Variants in HTT observed in about 807,000 individuals in gnomAD.
HTT encodes the protein huntingtin.
Under a neutral mutation model 362.3 loss-of-function variants are expected in HTT, and 104 were observed. That is an observed-to-expected ratio of 0.29 (90% CI 0.24 to 0.34). HTT has a LOEUF of 0.34. Ranked by LOEUF, HTT falls within the 10% of genes least tolerant of loss-of-function variation. HTT has a pLI of 1.00. For missense variants in HTT, 3,301 were observed against 3,928.6 expected, an observed-to-expected ratio of 0.84 and a Z score of 4.27; for synonymous variants, 1,577 against 1,548.7, an observed-to-expected ratio of 1.02 and a Z score of -0.43.
chr4:3,114,575 A>C (rs1342241128), intron 6 of HTT, among the ~76,000 whole-genome samples: 1 of 152,256 alleles, frequency 6.6e-6, no homozygotes, highest in Non-Finnish European at 1.5e-5. Context: ...GTGCTTGCTC[A>C]GTGCATGCTG....
In HTT at chr4:3,206,362, A is replaced by G. The variant is rs1719853063; in HGVS notation, c.5719-134A>G. ...CCTCCTCAATTATTTGTGCTCATAC[A>G]CTGTATATTTTTAGTGAGGTTTATA... On this transcript the variant is annotated intron_variant, in intron 42 of 66. Coordinates refer to ENST00000355072, the MANE Select transcript of HTT (RefSeq NM_001388492.1). This position sits in a 1 kb window ranked among gnomAD's most constrained non-coding sequence, Gnocchi z 4.6. 1 of 684,016 alleles carries G rather than the reference A, an allele frequency of 1.5e-6. No homozygotes were observed. Among genetic ancestry groups the G allele is most frequent in the Non-Finnish European group, 2.5e-6 (1 of 401,776 alleles). 42.4% of individuals were successfully genotyped at this position (684,016 alleles called of 1,614,324 possible).
chr4:3,239,127 G>T (rs1721685276), intron 66 of HTT, 149 bp downstream of exon 66: 2 of 836,686 alleles, frequency 2.4e-6, no homozygotes, highest in African/African-American at 1.7e-5. Flanking sequence ...GTAAAATGCT[G>T]ACAGGGGTAC....
intron 41 of HTT, among the ~76,000 whole-genome samples, chr4:3,202,221 C>T (rs1398529576): frequency 6.6e-6 from 1 of 152,138 alleles, no homozygotes; most frequent in Non-Finnish European, 1.5e-5. Flanking sequence ...TTCTGAGTCA[C>T]CCTAGATTTG....
At chr4:3,210,231 G>A (rs1720087439) in intron 47 of HTT, among the ~76,000 whole-genome samples, 1 of 152,160 alleles carries the variant, frequency 6.6e-6, no homozygotes, top group South Asian at 2.1e-4. Context: ...TTGAAATCCA[G>A]CTGGCCCCAA....
Position 3,172,985 on chromosome 4 carries a change from C to A in HTT, c.4020C>A (p.Gly1340=), listed in dbSNP as rs763717287. ...GLSSNPSKSQ[G]RAQRLGSSSV... Reference sequence around the variant, plus strand: ...CTTCCAACCCCAGCAAGTCACAAGGCCGAGCACAGCGCCTTGGCTCCTCCA... The same window carrying A: ...CTTCCAACCCCAGCAAGTCACAAGGACGAGCACAGCGCCTTGGCTCCTCCA... Residue 1340 remains glycine (G), a synonymous_variant, in exon 31 of 67, where the codon GGC becomes GGA. Transcript: ENST00000355072. 1.9e-6 allele frequency: 3 copies of A among 1,614,206 alleles called. No individual in the cohort carries two copies. The highest frequency in any genetic ancestry group is 3.3e-5 in the Admixed American group (2 of 60,026).
chr4:3,128,691 G>T (rs755226768), intron 12 of HTT: 1 of 152,104 alleles, frequency 6.6e-6, no homozygotes, highest in Non-Finnish European at 1.5e-5. Flanking sequence ...AACCCTCATG[G>T]ATAGTCTAAT....
chr4:3,078,952 A>C (rs368781147), intron 1 of HTT, among the ~76,000 whole-genome samples: 8 of 151,992 alleles, frequency 5.3e-5, no homozygotes, highest in African/African-American at 1.9e-4. Flanking sequence ...AGCCAGGATG[A>C]TCTTGATCTC....
rs772655035 is a variant in HTT, at chr4:3,224,124, T to C, written c.7758T>C (p.Ala2586=). 1 of 1,614,016 alleles carries C rather than the reference T, an allele frequency of 6.2e-7. No individual in the cohort carries two copies. Among genetic ancestry groups the C allele is most frequent in the Non-Finnish European group, 8.5e-7 (1 of 1,179,892 alleles). Residue 2586 remains alanine (A), a synonymous_variant, in exon 56 of 67, where the codon GCT becomes GCC. Transcript: ENST00000355072. ...ATCCTGTCCCTTCTCTGTCTCCGGCTACTACAGGTACCTGAGGGAAAGGGT... is the reference window on the plus strand; with the variant it reads ...ATCCTGTCCCTTCTCTGTCTCCGGCCACTACAGGTACCTGAGGGAAAGGGT... ...AWDPVPSLSP[A]TTGALISHEK...
In HTT at chr4:3,157,139, T is replaced by C; in HGVS notation, c.3693T>C (p.Tyr1231=). 6.2e-7 allele frequency: 1 copy of C among 1,613,552 alleles called. No individual in the cohort carries two copies. Among genetic ancestry groups the C allele is most frequent in the South Asian group, 1.1e-5 (1 of 91,070 alleles). Residue 1231 remains tyrosine (Y), a synonymous_variant, in exon 28 of 67, where the codon TAT becomes TAC. Coordinates refer to ENST00000355072, the MANE Select transcript of HTT (RefSeq NM_001388492.1). ...TSKSSSLGSF[Y]HLPSYLKLHD... ...AATCCTCATCACTGGGGAGTTTCTA[T>C]CATCTTCCTTCATACCTCAAACTGC... is the stretch of plus-strand genomic sequence containing the variant.
chr4:3,105,085 G>A (rs752130920), intron 4 of HTT, among the ~76,000 whole-genome samples: 9 of 152,142 alleles, frequency 5.9e-5, no homozygotes, highest in Non-Finnish European at 8.8e-5. Context: ...CACAATGTTA[G>A]AAGGAAATGC....
chr4:3,186,068 A>G (rs1467912576), intron 37 of HTT, among the ~76,000 whole-genome samples: 2 of 152,228 alleles, frequency 1.3e-5, no homozygotes, highest in Admixed American at 6.5e-5. Context: ...TTTCAAAACA[A>G]CTAAAACAAA....
chr4:3,136,032 G>A, intron 20 of HTT, 65 bp downstream of exon 20: 1 of 1,210,644 alleles, frequency 8.3e-7, no homozygotes, highest in Non-Finnish European at 1.2e-6. Context: ...GGCTTTCCTT[G>A]TGGAATTTCT....
intron 21 of HTT, among the ~76,000 whole-genome samples, chr4:3,137,340 G>A (rs1379605719): frequency 1.3e-5 from 2 of 152,092 alleles, no homozygotes; most frequent in African/African-American, 4.8e-5. Context: ...GTATCCTTGT[G>A]CCCATTTGCT....
chr4:3,224,022 G>T lies in HTT; in HGVS notation c.7656G>T (p.Gly2552=). The change falls in exon 56 of 67, where the codon GGG becomes GGT. Residue 2552 remains glycine (G), a synonymous_variant. Transcript: ENST00000355072. The part of the protein sequence containing the change: ...RFGRKLSIIR[G]IVEQEIQAMV... ...GGAGGAAGCTGAGCATTATCAGAGG[G>T]ATTGTGGAGCAAGAGATTCAAGCAA... is the stretch of plus-strand genomic sequence containing the variant. 6.2e-7 allele frequency: 1 copy of T among 1,614,086 alleles called. No homozygotes were observed.
intron 29 of HTT, among the ~76,000 whole-genome samples, chr4:3,168,770 C>T (rs573798013): frequency 5.7e-4 from 86 of 152,178 alleles, no homozygotes; most frequent in South Asian, 2.1e-3. Context: ...CCCAGCTACT[C>T]GGGGCTGAGG....
At chr4:3,192,469 C>A (rs1719055610) in intron 40 of HTT, among the ~76,000 whole-genome samples, 1 of 152,164 alleles carries the variant, frequency 6.6e-6, no homozygotes, top group African/African-American at 2.4e-5. Context: ...CTCAGCCCCT[C>A]AAGTAGGCCT....
intron 59 of HTT, among the ~76,000 whole-genome samples, chr4:3,229,578 A>G (rs574344073): frequency 1.3e-5 from 2 of 150,098 alleles, no homozygotes; most frequent in East Asian, 4.0e-4. Context: ...ACATGTACAC[A>G]CATGTATATA....
At chr4:3,104,497 T>C (rs1384405952) in intron 4 of HTT, among the ~76,000 whole-genome samples, 1 of 151,916 alleles carries the variant, frequency 6.6e-6, no homozygotes, top group Non-Finnish European at 1.5e-5. Flanking sequence ...TAATCCTGGC[T>C]ACTCGGGAGG....
intron 40 of HTT, among the ~76,000 whole-genome samples, chr4:3,191,603 G>C (rs1308125783): frequency 6.6e-6 from 1 of 152,172 alleles, no homozygotes; most frequent in Non-Finnish European, 1.5e-5. Flanking sequence ...AAGTTAATTT[G>C]GCAAGTAGAT....
Sources: allele counts gnomAD v4.1 joint callset (sites outside exome capture counted in the v4.1 genomes callset), GRCh38; gene constraint gnomAD v4.1.1; non-coding constraint Gnocchi (gnomAD v3.1); transcripts MANE v1.5; gene names NCBI Gene and HGNC (gene_info 2026-07-23, HGNC 2026-07-21).